EPHA6: variants seen among roughly 807,000 people sequenced by gnomAD.
EPHA6 encodes the protein EPH receptor A6.
A neutral mutation model predicts 112.0 loss-of-function variants in EPHA6; 50 were observed. That is an observed-to-expected ratio of 0.45 (90% confidence interval 0.36 to 0.56). The LOEUF is 0.56. Among genes scored for constraint, EPHA6 ranks in the 20% least tolerant of loss-of-function variants. The pLI is 0.00. For synonymous variants in EPHA6, 529 were observed against 490.7 expected, an observed-to-expected ratio of 1.08 and a Z score of -1.03; for missense variants, 1,280 against 1,417.4, an observed-to-expected ratio of 0.90 and a Z score of 1.56.
At chr3:97,130,035 AC>A (rs2048296231) in intron 3 of EPHA6, among the ~76,000 whole-genome samples, 1 of 152,168 alleles carries the variant, frequency 6.6e-6, no homozygotes, top group Non-Finnish European at 1.5e-5. Context: ...GTCAGTACAA[AC>A]TAAAATGGAA....
chr3:96,889,033 G>A lies in EPHA6; in HGVS notation c.450+22144G>A, dbSNP rs530915931. Among the ~76,000 whole-genome samples the A allele has an allele frequency of 2.6e-4, 40 of 152,082 alleles. No individual in the cohort carries two copies. In the South Asian group the frequency reaches 7.5e-3, roughly 28 times the overall value. ...CTCATGTTCAAAGTTCCACAAATCC[G>A]GGGCAAAATGCGGCCAGTCTCTTTG... On this transcript the variant is annotated intron_variant, in intron 2 of 17. Transcript: ENST00000389672.
At chr3:97,385,080 C>T (rs1328347669) in intron 5 of EPHA6, among the ~76,000 whole-genome samples, 1 of 152,162 alleles carries the variant, frequency 6.6e-6, no homozygotes, top group African/African-American at 2.4e-5. Context: ...ACAGTAGGTT[C>T]TGGCAAACTG....
chr3:97,502,320 C>A (rs963069085), intron 10 of EPHA6, among the ~76,000 whole-genome samples: 1 of 151,626 alleles, frequency 6.6e-6, no homozygotes, highest in Non-Finnish European at 1.5e-5. Context: ...AGGTGCACAC[C>A]ATCACATCTG....
intron 6 of EPHA6, among the ~76,000 whole-genome samples, chr3:97,447,000 G>A (rs938939813): frequency 1.4e-4 from 21 of 152,052 alleles, no homozygotes; most frequent in African/African-American, 4.3e-4. Context: ...TATTTAAAAT[G>A]TTGCTGTTCT....
At chr3:97,130,226 A>G (rs888617151) in intron 3 of EPHA6, among the ~76,000 whole-genome samples, 1 of 151,920 alleles carries the variant, frequency 6.6e-6, no homozygotes, top group Non-Finnish European at 1.5e-5. Flanking sequence ...TGTCTACAGT[A>G]TTCTGGGTAC....
At position 97,758,764 on chromosome 3, in the gene EPHA6, T is replaced by A. The variant is rs942528595; in HGVS notation, c.*10063T>A. On this transcript the variant is annotated 3_prime_UTR_variant, in exon 18 of 18. Transcript: ENST00000389672. ...TGAAGGAAGCATCCATGAGAAGATA[T>A]GGGGGAAGAGCATTACAAGCAGAGG... is the stretch of plus-strand genomic sequence containing the variant. Among the ~76,000 whole-genome samples, 5 of 151,736 alleles carry A rather than the reference T, an allele frequency of 3.3e-5. No homozygotes were observed. The highest frequency in any genetic ancestry group is 1.3e-4 in the Admixed American group (2 of 15,206).
chr3:97,249,371 T>C (rs545719396), intron 5 of EPHA6, among the ~76,000 whole-genome samples: 16 of 152,320 alleles, frequency 1.1e-4, no homozygotes, highest in African/African-American at 3.8e-4. Context: ...GATTGCATAA[T>C]GATTATAGTG....
intron 5 of EPHA6, among the ~76,000 whole-genome samples, chr3:97,359,036 T>G (rs2084227880): frequency 6.6e-6 from 1 of 151,992 alleles, no homozygotes; most frequent in South Asian, 2.1e-4. Flanking sequence ...ATGGCTTTTT[T>G]TTTTTTGAGT....
At chr3:97,416,389 T>G (rs538154749) in intron 6 of EPHA6, among the ~76,000 whole-genome samples, 43 of 152,232 alleles carry the variant, frequency 2.8e-4, no homozygotes, top group African/African-American at 1.0e-3. Context: ...TTTAAATAAT[T>G]AAAGAGATGA....
At chr3:97,648,050 G>C (rs2094079139) in intron 14 of EPHA6, among the ~76,000 whole-genome samples, 1 of 151,976 alleles carries the variant, frequency 6.6e-6, no homozygotes, top group Non-Finnish European at 1.5e-5. Flanking sequence ...GAAGATCAAA[G>C]CAAAATAGAA....
intron 2 of EPHA6, among the ~76,000 whole-genome samples, chr3:96,985,274 C>T (rs2107837102): frequency 6.6e-6 from 1 of 152,152 alleles, no homozygotes; most frequent in Non-Finnish European, 1.5e-5. Context: ...TATATGCATT[C>T]CCTGAGAAGT....
At chr3:97,343,943 G>A (rs1197637266) in intron 5 of EPHA6, among the ~76,000 whole-genome samples, 2 of 152,132 alleles carry the variant, frequency 1.3e-5, no homozygotes, top group African/African-American at 4.8e-5. Flanking sequence ...CATGGGATCT[G>A]ATGTACTATG....
intron 6 of EPHA6, among the ~76,000 whole-genome samples, chr3:97,445,202 T>C (rs563096904): frequency 7.9e-5 from 12 of 152,262 alleles, no homozygotes; most frequent in South Asian, 2.1e-4. Context: ...CAATTGGTGC[T>C]ATTTTCTGTG....
At chr3:97,040,096 AT>A (rs1335234806) in intron 3 of EPHA6, among the ~76,000 whole-genome samples, 2 of 151,260 alleles carry the variant, frequency 1.3e-5, no homozygotes, top group Non-Finnish European at 3.0e-5. Context: ...TAAAATAATG[AT>A]TATTATAATG....
intron 14 of EPHA6, among the ~76,000 whole-genome samples, chr3:97,647,597 T>C (rs906018887): frequency 6.6e-6 from 1 of 152,140 alleles, no homozygotes; most frequent in African/African-American, 2.4e-5. Context: ...TAGTGAATGA[T>C]TAGGGTCCGC....
chr3:97,555,306 C>T (rs1452736485), intron 11 of EPHA6, among the ~76,000 whole-genome samples: 1 of 152,086 alleles, frequency 6.6e-6, no homozygotes, highest in Admixed American at 6.6e-5. Context: ...ATATGTGCCA[C>T]ATTTTCTTAA....
chr3:97,243,578 A>T (rs2078908128), intron 4 of EPHA6, among the ~76,000 whole-genome samples: 1 of 151,866 alleles, frequency 6.6e-6, no homozygotes. Flanking sequence ...ATTTTTTTTC[A>T]AATTTTGAAA....
chr3:97,739,330 C>G (rs1452758006), intron 16 of EPHA6, among the ~76,000 whole-genome samples: 1 of 152,206 alleles, frequency 6.6e-6, no homozygotes, highest in South Asian at 2.1e-4. Flanking sequence ...TGATATTACT[C>G]TCTCATCTGC....
chr3:97,438,373 A>G (rs1489338209), intron 6 of EPHA6, among the ~76,000 whole-genome samples: 3 of 152,198 alleles, frequency 2.0e-5, no homozygotes, highest in Non-Finnish European at 4.4e-5. Context: ...CTAAGAAAAC[A>G]AGTATGCTAT....
Sources: allele counts gnomAD v4.1 joint callset (sites outside exome capture counted in the v4.1 genomes callset), GRCh38; gene constraint gnomAD v4.1.1; transcripts MANE v1.5; gene names NCBI Gene and HGNC (gene_info 2026-07-23, HGNC 2026-07-21).